The following KLRG1 variants were observed in gnomAD, a reference collection of about 807,000 sequenced individuals.
KLRG1 encodes killer cell lectin like receptor G1.
A neutral mutation model predicts 21.8 loss-of-function variants in KLRG1; 16 were observed. That is an observed-to-expected ratio of 0.73 (90% CI 0.50 to 1.11). KLRG1 has a LOEUF of 1.11. KLRG1 is among the 50% of genes most tolerant of loss of function. The pLI is 0.00. For missense variants in KLRG1, 173 were observed against 218.3 expected (o/e 0.79, Z 1.31); for synonymous variants, 69 against 75.9 (o/e 0.91, Z 0.47).
At chr12:9,028,080 A>C in the KLRG1 span, 1 of 1,214,254 alleles carries the variant, frequency 8.2e-7, no homozygotes, top group Admixed American at 1.7e-5. Flanking sequence ...TTGGTCAGTC[A>C]TGATTTCAAT....
chr12:9,190,924 G>C, the KLRG1 span, among the ~76,000 whole-genome samples: 9 of 152,270 alleles, frequency 5.9e-5, no homozygotes, highest in South Asian at 2.1e-4. Context: ...TTTTATCATA[G>C]AGGTGTAAGT....
chr12:9,166,578 G>A, the KLRG1 span, among the ~76,000 whole-genome samples: 1 of 152,062 alleles, frequency 6.6e-6, no homozygotes, highest in African/African-American at 2.4e-5. Context: ...CATTGAGAGT[G>A]GTTGCTATAC....
the KLRG1 span, chr12:9,163,759 G>A: frequency 6.2e-7 from 1 of 1,612,866 alleles, no homozygotes; most frequent in South Asian, 1.1e-5. Context: ...GGACTGCATT[G>A]CCTCTGCACT....
At chr12:9,133,835 A>T in the KLRG1 span, among the ~76,000 whole-genome samples, 1 of 152,202 alleles carries the variant, frequency 6.6e-6, no homozygotes, top group Non-Finnish European at 1.5e-5. Flanking sequence ...CACACTATTA[A>T]AAGTTGTAGA....
At chr12:9,157,035 T>C in the KLRG1 span, 4 of 683,880 alleles carry the variant, frequency 5.8e-6, no homozygotes, top group Non-Finnish European at 9.1e-6. Context: ...CATCACCTGG[T>C]TATTAGGTCC....
At chr12:9,075,859 T>C in the KLRG1 span, among the ~76,000 whole-genome samples, 5 of 152,240 alleles carry the variant, frequency 3.3e-5, no homozygotes, top group Non-Finnish European at 7.3e-5. Context: ...TTCTATTTCT[T>C]AATCTATGAG....
intron 3 of KLRG1, among the ~76,000 whole-genome samples, chr12:9,003,019 C>T (rs1014426118): frequency 6.6e-6 from 1 of 151,538 alleles, no homozygotes; most frequent in Non-Finnish European, 1.5e-5. Flanking sequence ...GGAAGATTTT[C>T]GAGTGAAAGT....
At chr12:8,964,924 G>A (rs1162505748) in intron 1 of KLRG1, among the ~76,000 whole-genome samples, 1 of 151,878 alleles carries the variant, frequency 6.6e-6, no homozygotes, top group Non-Finnish European at 1.5e-5. Context: ...TTGAGCCTAT[G>A]TGTGTCTCTG....
chr12:9,089,142 C>T, the KLRG1 span: 1 of 1,298,004 alleles, frequency 7.7e-7, no homozygotes, highest in Non-Finnish European at 1.1e-6. Context: ...TATAAATGTT[C>T]TTTGAACTTT....
At chr12:8,971,323 T>C (rs1946563301) in intron 1 of KLRG1, 1 of 152,152 alleles carries the variant, frequency 6.6e-6, no homozygotes, top group Non-Finnish European at 1.5e-5. Context: ...CTGTTTTTTT[T>C]CCATAAATAA....
the KLRG1 span, chr12:9,158,597 GT>G: frequency 6.2e-7 from 1 of 1,612,498 alleles, no homozygotes; most frequent in Non-Finnish European, 8.5e-7. Flanking sequence ...GAAAAATGCA[GT>G]GCTGAGGCTC....
chr12:9,131,978 A>G, the KLRG1 span, among the ~76,000 whole-genome samples: 1 of 152,280 alleles, frequency 6.6e-6, no homozygotes, highest in East Asian at 1.9e-4. Context: ...ATATAAGTAG[A>G]AAACTGCTGG....
chr12:8,978,678 TTCTTTC>T (rs752005377), intron 1 of KLRG1, among the ~76,000 whole-genome samples: 2 of 144,082 alleles, frequency 1.4e-5, no homozygotes, highest in Admixed American at 7.5e-5. Context: ...CTTTCTTTCT[TTCTTTC>T]TTTCTTTTTC....
chr12:9,215,191 T>C, the KLRG1 span, among the ~76,000 whole-genome samples: 12 of 152,182 alleles, frequency 7.9e-5, no homozygotes, highest in Admixed American at 7.2e-4. Context: ...GAAAGAACCC[T>C]ATTAGACACT....
the KLRG1 span, among the ~76,000 whole-genome samples, chr12:9,128,933 A>G: frequency 9.4e-4 from 135 of 143,624 alleles, 2 homozygotes; most frequent in Admixed American, 8.3e-3. Context: ...TTAGGCTCTA[A>G]CTATGATAAA....
the KLRG1 span, among the ~76,000 whole-genome samples, chr12:9,050,672 C>T: frequency 6.6e-6 from 1 of 152,220 alleles, no homozygotes; most frequent in Non-Finnish European, 1.5e-5. Flanking sequence ...GCAGCTGCAG[C>T]TGCCCAATCC....
the KLRG1 span, among the ~76,000 whole-genome samples, chr12:9,145,459 T>G: frequency 6.6e-6 from 1 of 152,234 alleles, no homozygotes; most frequent in Non-Finnish European, 1.5e-5. Flanking sequence ...CTTTATCATC[T>G]GTCCCTACAC....
At chr12:9,074,736 C>T in the KLRG1 span, 5 of 1,613,684 alleles carry the variant, frequency 3.1e-6, no homozygotes, top group East Asian at 4.5e-5. Flanking sequence ...TAAAAATGCC[C>T]CACTGGTGCC....
At chr12:9,094,340 CATATATATATATATATATATATAT>C in the KLRG1 span, among the ~76,000 whole-genome samples, 50 of 97,030 alleles carry the variant, frequency 5.2e-4, no homozygotes, top group Middle Eastern at 0.012. Flanking sequence ...AAAAATTGTG[CATATATATATATATATATATATAT>C]ATATATATAT....
Sources: gnomAD v4.1 joint callset for allele counts (sites outside exome capture counted in the v4.1 genomes callset) on GRCh38, gnomAD v4.1.1 for gene constraint, MANE v1.5 for transcripts, NCBI Gene and HGNC (gene_info 2026-07-23, HGNC 2026-07-21) for gene names.